Variants in SLC44A5 observed in about 807,000 individuals in gnomAD.
SLC44A5 encodes the protein choline transporter-like protein 5.
In SLC44A5, 57 loss-of-function variants were observed where a neutral mutation model predicts 101.8. The observed-to-expected ratio is 0.56, with a 90% CI of 0.45 to 0.70. The LOEUF is 0.70. Ranked by LOEUF, SLC44A5 falls within the 30% of genes least tolerant of loss-of-function variation. SLC44A5 has a pLI of 0.00. For synonymous variants in SLC44A5, 281 were observed against 290.9 expected (o/e 0.97, Z 0.35); for missense variants, 737 against 853.1 (o/e 0.86, Z 1.70).
chr1:75,670,773 T>C, the SLC44A5 span, among the ~76,000 whole-genome samples: 5 of 152,328 alleles, frequency 3.3e-5, no homozygotes, highest in Non-Finnish European at 7.3e-5. Context: ...CAAAGAGGGT[T>C]CTTGTGACTA....
intron 1 of SLC44A5, among the ~76,000 whole-genome samples, chr1:75,578,907 G>C (rs959271392): frequency 1.3e-5 from 2 of 151,784 alleles, no homozygotes; most frequent in Non-Finnish European, 2.9e-5. Context: ...ATTTTTATTT[G>C]TCACTTACAA....
Position 75,251,242 on chromosome 1 carries a change from C to T in SLC44A5, c.313G>A (p.Val105Met), listed in dbSNP as rs147564575. ...GTAGGGCACTGTAGGTTTAGCAACA[C>T]GGAGGGACTGGTACAGCGTAACAGG... The part of the protein sequence containing the change: ...FNLLRCTSPS[V>M]LLNLQCPTTQ... Residue 105 changes from valine (V) to methionine (M), a missense_variant, in exon 7 of 24, where the codon GTG becomes ATG. This residue lies in a region of SLC44A5 where 665 missense variants were observed against 764.4 expected (regional missense o/e 0.87). Transcript: ENST00000370859. The T allele has an allele frequency of 6.2e-5, 100 of 1,613,428 alleles. No homozygotes were observed. Among genetic ancestry groups the T allele is most frequent in the Admixed American group, 3.0e-4 (18 of 59,940 alleles).
chr1:75,610,229 T>C (rs1181786278), intron 1 of SLC44A5, among the ~76,000 whole-genome samples: 1 of 151,908 alleles, frequency 6.6e-6, no homozygotes, highest in Non-Finnish European at 1.5e-5. Context: ...TCTCCATAGG[T>C]ATATACATAT....
chr1:75,358,176 G>T (rs966737066), intron 3 of SLC44A5, among the ~76,000 whole-genome samples: 1 of 152,106 alleles, frequency 6.6e-6, no homozygotes, highest in African/African-American at 2.4e-5. Flanking sequence ...CAGAAAATTG[G>T]TAAGTTTGAA....
At chr1:75,444,436 A>G (rs1665397697) in intron 2 of SLC44A5, among the ~76,000 whole-genome samples, 1 of 147,580 alleles carries the variant, frequency 6.8e-6, no homozygotes. Flanking sequence ...AAAGAAAGAC[A>G]GAGAAAGAAA....
the SLC44A5 span, among the ~76,000 whole-genome samples, chr1:75,708,763 T>C: frequency 6.6e-6 from 1 of 152,276 alleles, no homozygotes; most frequent in African/African-American, 2.4e-5. Flanking sequence ...ACCTCAACTT[T>C]GTAAAAATAA....
At chr1:75,652,940 A>G in the SLC44A5 span, among the ~76,000 whole-genome samples, 1 of 152,216 alleles carries the variant, frequency 6.6e-6, no homozygotes, top group Non-Finnish European at 1.5e-5. Flanking sequence ...TCTGATATGA[A>G]ATTCAAATTC....
intron 2 of SLC44A5, among the ~76,000 whole-genome samples, chr1:75,539,025 G>T (rs971708033): frequency 6.6e-6 from 1 of 152,146 alleles, no homozygotes; most frequent in Non-Finnish European, 1.5e-5. Flanking sequence ...CTGCTTTGAA[G>T]AACCCACTCC....
chr1:75,319,666 G>A (rs962775085), intron 4 of SLC44A5, among the ~76,000 whole-genome samples: 4 of 152,132 alleles, frequency 2.6e-5, no homozygotes, highest in East Asian at 1.9e-4. Flanking sequence ...TCATTCTGGC[G>A]AGGAGAACAG....
chr1:75,362,521 C>CT (rs1160736734), intron 3 of SLC44A5, among the ~76,000 whole-genome samples: 1 of 151,848 alleles, frequency 6.6e-6, no homozygotes, highest in Non-Finnish European at 1.5e-5. Context: ...TCTTGACTTC[C>CT]TTTTTTATTT....
At chr1:75,587,799 T>G (rs180843982) in intron 1 of SLC44A5, among the ~76,000 whole-genome samples, 1 of 152,164 alleles carries the variant, frequency 6.6e-6, no homozygotes, top group African/African-American at 2.4e-5. Flanking sequence ...TCCTTTTCAG[T>G]TGGGCCCTAA....
intron 2 of SLC44A5, among the ~76,000 whole-genome samples, chr1:75,462,041 T>C (rs916128333): frequency 1.3e-5 from 2 of 152,172 alleles, no homozygotes; most frequent in African/African-American, 4.8e-5. Context: ...TGAGCAAACA[T>C]AGGCCATAGC....
intron 3 of SLC44A5, 105 bp downstream of exon 3, chr1:75,396,478 A>G: frequency 1.0e-6 from 1 of 973,698 alleles, no homozygotes; most frequent in Non-Finnish European, 1.6e-6. Flanking sequence ...ATTCTTTACC[A>G]AACAAATATT....
At chr1:75,508,681 A>T (rs1669400778) in intron 2 of SLC44A5, among the ~76,000 whole-genome samples, 1 of 152,206 alleles carries the variant, frequency 6.6e-6, no homozygotes, top group East Asian at 1.9e-4. Flanking sequence ...AACCAATCCC[A>T]CAGAAATACA....
the SLC44A5 span, among the ~76,000 whole-genome samples, chr1:75,640,796 C>T: frequency 2.8e-4 from 43 of 152,132 alleles, no homozygotes; most frequent in South Asian, 8.1e-3. Flanking sequence ...TATGCAGGCT[C>T]GAATGTCCTT....
At chr1:75,634,361 T>C in the SLC44A5 span, among the ~76,000 whole-genome samples, 1 of 152,050 alleles carries the variant, frequency 6.6e-6, no homozygotes, top group Non-Finnish European at 1.5e-5. Flanking sequence ...TGGACTCTTT[T>C]TGGTTGGTAA....
chr1:75,556,183 C>A (rs1056460493), intron 1 of SLC44A5, among the ~76,000 whole-genome samples: 5 of 152,064 alleles, frequency 3.3e-5, no homozygotes, highest in East Asian at 1.9e-4. Flanking sequence ...TCTGACCCCT[C>A]TTCCTCCAAG....
rs1397839355 is a variant in SLC44A5, at chr1:75,203,744, G to A, written c.2137C>T (p.Gln713Ter). Residue 713 changes from glutamine to a stop codon, truncating the protein, a stop_gained, in exon 24 of 24, where the codon CAA becomes TAA. Coordinates refer to ENST00000370859, the MANE Select transcript of SLC44A5 (RefSeq NM_001130058.2). LOFTEE classifies it high-confidence loss of function. ...LLKIFQEENP[Q>*]TRKQ ...TTGCTCTTCTACTGCTTCCTAGTTT[G>A]TGGATTTTCCTCCTGGAAAATCTTC... The A allele has an allele frequency of 1.3e-6, 2 of 1,548,770 alleles. No individual in the cohort carries two copies. The highest frequency in any genetic ancestry group is 1.7e-6 in the Non-Finnish European group (2 of 1,145,710).
intron 2 of SLC44A5, among the ~76,000 whole-genome samples, chr1:75,532,018 A>T (rs211769): frequency 0.22 from 33,349 of 150,858 alleles, 3,949 homozygotes; most frequent in Admixed American, 0.3. Context: ...AACCATCAGC[A>T]TCACCTGGAA....
Sources: allele counts gnomAD v4.1 joint callset (sites outside exome capture counted in the v4.1 genomes callset), GRCh38; gene constraint gnomAD v4.1.1; regional missense constraint gnomAD v4.1.1; transcripts MANE v1.5; gene names NCBI Gene and HGNC (gene_info 2026-07-23, HGNC 2026-07-21).